SLC4A4: variants seen among roughly 807,000 people sequenced by gnomAD.
SLC4A4 encodes electrogenic sodium bicarbonate cotransporter 1.
Under a neutral mutation model 111.5 loss-of-function variants are expected in SLC4A4, and 27 were observed. The ratio of observed to expected loss-of-function variants is 0.24; its 90% CI spans 0.18 to 0.33. The LOEUF (loss-of-function observed/expected upper bound fraction) is 0.33. SLC4A4 is among the 10% of genes least tolerant of loss of function. The pLI is 1.00. For synonymous variants in SLC4A4, 443 were observed against 463.4 expected (o/e 0.96, Z 0.57); for missense variants, 909 against 1,315.5 (o/e 0.69, Z 4.78).
At chr4:71,075,687 C>T (rs1578454202) in intron 1 of SLC4A4, among the ~76,000 whole-genome samples, 1 of 152,026 alleles carries the variant, frequency 6.6e-6, no homozygotes, top group Non-Finnish European at 1.5e-5. Flanking sequence ...ATAGCAATCA[C>T]GGCCGGGCGC....
At chr4:71,322,240 A>G (rs1471219356) in intron 3 of SLC4A4, among the ~76,000 whole-genome samples, 2 of 151,956 alleles carry the variant, frequency 1.3e-5, no homozygotes, top group African/African-American at 4.8e-5. Context: ...TTTAAACCAC[A>G]CTTCTCAGTA....
intron 2 of SLC4A4, among the ~76,000 whole-genome samples, chr4:71,161,136 C>G (rs1333247127): frequency 6.6e-6 from 1 of 152,072 alleles, no homozygotes; most frequent in East Asian, 1.9e-4. Context: ...ATGAGTGAGC[C>G]CATATCAGAT....
intron 2 of SLC4A4, among the ~76,000 whole-genome samples, chr4:71,253,807 C>G (rs1202319773): frequency 6.6e-6 from 1 of 152,128 alleles, no homozygotes; most frequent in East Asian, 1.9e-4. Context: ...AGCTGAGTTG[C>G]TGCGTGTGTG....
Position 71,237,553 on chromosome 4 carries a change from G to GTAA in SLC4A4, c.73+905_73+907dup, listed in dbSNP as rs140704894. Among the ~76,000 whole-genome samples the GTAA allele has an allele frequency of 1.6e-3, 248 of 152,232 alleles. 1 individual carries two copies. The highest frequency in any genetic ancestry group is 5.7e-3 in the African/African-American group (238 of 41,518). ...ATTCTGACCTGACCGGTGCCATGTG[G>GTAA]TAAGCATTTAGTGCCAGCCCCAAAC... On this transcript the variant is annotated intron_variant, in intron 2 of 25. Transcript: ENST00000264485.
At chr4:71,559,549 G>T (rs1377528) in intron 22 of SLC4A4, among the ~76,000 whole-genome samples, 6,036 of 151,768 alleles carry the variant, frequency 0.04, 251 homozygotes, top group East Asian at 0.21. Context: ...CATAATGTCT[G>T]GGACATGTTA....
chr4:71,314,345 G>A (rs1726486255), intron 3 of SLC4A4, among the ~76,000 whole-genome samples: 1 of 151,994 alleles, frequency 6.6e-6, no homozygotes, highest in Non-Finnish European at 1.5e-5. Context: ...GTTCCACTGT[G>A]GAAGATGGTG....
chr4:71,523,250 T>C (rs1209774231), intron 16 of SLC4A4, among the ~76,000 whole-genome samples: 1 of 152,202 alleles, frequency 6.6e-6, no homozygotes, highest in Non-Finnish European at 1.5e-5. Context: ...ACGACTCTGC[T>C]ATCACTAAAG....
chr4:71,184,764 C>T (rs187200999), upstream of SLC4A4, among the ~76,000 whole-genome samples: 10 of 152,056 alleles, frequency 6.6e-5, no homozygotes, highest in Middle Eastern at 3.2e-3. Context: ...GAAAAGCAAT[C>T]GAAAGTGATC....
At chr4:71,101,561 C>A (rs111359704) in intron 2 of SLC4A4, among the ~76,000 whole-genome samples, 5 of 152,310 alleles carry the variant, frequency 3.3e-5, no homozygotes, top group African/African-American at 1.2e-4. Context: ...TCCCAGCACA[C>A]AGCTGGAGAT....
intron 2 of SLC4A4, among the ~76,000 whole-genome samples, chr4:71,106,754 C>T (rs1483352628): frequency 1.5e-4 from 19 of 127,398 alleles, no homozygotes; most frequent in African/African-American, 5.4e-4. Flanking sequence ...AGGGGAACAT[C>T]ACACTCTGGG....
chr4:71,204,123 T>A (rs925515693), intron 1 of SLC4A4, among the ~76,000 whole-genome samples: 1 of 152,212 alleles, frequency 6.6e-6, no homozygotes, highest in African/African-American at 2.4e-5. Context: ...ATGGTCTAAA[T>A]GAAATGGAAA....
intron 3 of SLC4A4, among the ~76,000 whole-genome samples, chr4:71,270,110 G>T (rs1188752341): frequency 6.6e-6 from 1 of 152,170 alleles, no homozygotes; most frequent in Non-Finnish European, 1.5e-5. Context: ...TTTTTGAGAT[G>T]AAGTCTCGCT....
chr4:71,407,575 A>G (rs1720976301), intron 7 of SLC4A4, among the ~76,000 whole-genome samples: 2 of 152,190 alleles, frequency 1.3e-5, no homozygotes, highest in African/African-American at 2.4e-5. Context: ...TAACAGAATA[A>G]AAGAGTTTTA....
chr4:71,437,651 C>A, intron 7 of SLC4A4: 2 of 502,440 alleles, frequency 4.0e-6, no homozygotes, highest in Non-Finnish European at 8.1e-6. Flanking sequence ...TCACCCAAAC[C>A]TTTTAATAAG....
chr4:71,129,096 A>G (rs538799529), intron 2 of SLC4A4, among the ~76,000 whole-genome samples: 1 of 152,350 alleles, frequency 6.6e-6, no homozygotes, highest in Admixed American at 6.5e-5. Flanking sequence ...AGTGCAACAA[A>G]AACAAAAATT....
intron 20 of SLC4A4, among the ~76,000 whole-genome samples, chr4:71,554,064 C>T (rs1736263268): frequency 2.6e-5 from 4 of 151,844 alleles, no homozygotes; most frequent in Admixed American, 2.0e-4. Context: ...AGAATTTACT[C>T]ATTCTCTAAT....
At chr4:71,163,141 A>T (rs111839669) in intron 2 of SLC4A4, among the ~76,000 whole-genome samples, 1 of 152,188 alleles carries the variant, frequency 6.6e-6, no homozygotes, top group Non-Finnish European at 1.5e-5. Context: ...GGGTAGACAG[A>T]CCGTTAATAC....
At chr4:71,178,622 C>G (rs995660634) in intron 2 of SLC4A4, among the ~76,000 whole-genome samples, 3 of 152,148 alleles carry the variant, frequency 2.0e-5, no homozygotes, top group African/African-American at 7.2e-5. Context: ...GGATACATTC[C>G]TCAACCCATA....
At chr4:71,144,793 A>G (rs1458698628) in intron 2 of SLC4A4, among the ~76,000 whole-genome samples, 2 of 152,090 alleles carry the variant, frequency 1.3e-5, no homozygotes, top group Admixed American at 6.6e-5. Context: ...TTGCACATTG[A>G]TTTTGTATCC....
Sources: gnomAD v4.1 joint callset for allele counts (sites outside exome capture counted in the v4.1 genomes callset) on GRCh38, gnomAD v4.1.1 for gene constraint, MANE v1.5 for transcripts, NCBI Gene and HGNC (gene_info 2026-07-23, HGNC 2026-07-21) for gene names.